TATDN2: variants seen among roughly 807,000 people sequenced by gnomAD.
TATDN2 encodes the protein 3'-5' RNA nuclease TATDN2.
A neutral mutation model predicts 60.3 loss-of-function variants in TATDN2; 44 were observed. The observed-to-expected ratio is 0.73, with a 90% confidence interval of 0.57 to 0.94. The LOEUF is 0.94. Among genes scored for constraint, TATDN2 ranks in the 40% least tolerant of loss-of-function variants. TATDN2 has a pLI of 0.00. For synonymous variants in TATDN2, 399 were observed against 355.8 expected (o/e 1.12, Z -1.37); for missense variants, 997 against 948.0 (o/e 1.05, Z -0.68).
rs1698720944 is a variant in TATDN2, at chr3:10,280,645, A to G, written c.*1463A>G. ...AAATGGAATGGATTTAATATTTCCT[A>G]TCTGGCATTTCCATCTTGCCCCTGG... On this transcript the variant is annotated 3_prime_UTR_variant, in exon 8 of 8. Transcript: ENST00000448281. 2 of 153,778 alleles carry G rather than the reference A, an allele frequency of 1.3e-5. No homozygotes were observed. Among genetic ancestry groups the G allele is most frequent in the African/African-American group, 2.4e-5 (1 of 41,450 alleles). The allele number at this position is 153,778 out of a possible 1,614,324, so 9.5% of individuals were successfully genotyped here. A position where few individuals can be genotyped will look rare whatever the true frequency, so the allele number is the denominator to read the frequency against.
chr3:10,276,740 C>T (rs1374853146), intron 5 of TATDN2, among the ~76,000 whole-genome samples: 1 of 152,164 alleles, frequency 6.6e-6, no homozygotes, highest in African/African-American at 2.4e-5. Flanking sequence ...CGGCACATGC[C>T]ACCACGCCCA....
At chr3:10,271,144 C>G (rs952224461) in intron 4 of TATDN2, 129 bp downstream of exon 4, 10 of 1,177,522 alleles carry the variant, frequency 8.5e-6, no homozygotes, top group African/African-American at 3.1e-5. Context: ...TGTGCTTGCT[C>G]TCATCCAGAC....
intron 2 of TATDN2, 54 bp from the exon 3 acceptor site, chr3:10,260,083 A>C: frequency 6.5e-7 from 1 of 1,548,200 alleles, no homozygotes. Flanking sequence ...CAAATGCTTC[A>C]TGTACGAAAG....
At chr3:10,252,565 T>G (rs1368467622) in intron 2 of TATDN2, among the ~76,000 whole-genome samples, 1 of 152,182 alleles carries the variant, frequency 6.6e-6, no homozygotes, top group Admixed American at 6.5e-5. Flanking sequence ...TGTGGTCATC[T>G]GTGAACTTAT....
intron 2 of TATDN2, among the ~76,000 whole-genome samples, chr3:10,258,357 A>G (rs1698346948): frequency 6.6e-6 from 1 of 151,906 alleles, no homozygotes; most frequent in Admixed American, 6.6e-5. Context: ...GGCTTACTGC[A>G]TCCTCCGCCT....
chr3:10,261,958 T>C (rs550527849), intron 3 of TATDN2, among the ~76,000 whole-genome samples: 1 of 152,330 alleles, frequency 6.6e-6, no homozygotes, highest in East Asian at 1.9e-4. Flanking sequence ...TAAGATTTGT[T>C]ACTGCCATGT....
chr3:10,257,028 C>A (rs1281217745), intron 2 of TATDN2, among the ~76,000 whole-genome samples: 1 of 151,820 alleles, frequency 6.6e-6, no homozygotes, highest in Non-Finnish European at 1.5e-5. Flanking sequence ...GGCACGGTGG[C>A]TCATGCCTGT....
rs1698639322 is a variant in TATDN2, at chr3:10,276,474, C to T, written c.1947C>T (p.Asp649=). ...LEIMKKFVPP[D]YKIHRHCFTG... ...TCATGAAAAAGTTTGTGCCCCCTGA[C>T]TACAAGATCCATAGGTTAGAAGACT... is the stretch of plus-strand genomic sequence containing the variant. Residue 649 remains aspartate, a synonymous_variant, in exon 5 of 8, where the codon GAC becomes GAT. Coordinates refer to ENST00000448281, the MANE Select transcript of TATDN2 (RefSeq NM_014760.4). 1.2e-6 allele frequency: 2 copies of T among 1,613,842 alleles called. No individual in the cohort carries two copies. Among genetic ancestry groups the T allele is most frequent in the African/African-American group, 1.3e-5 (1 of 74,896 alleles).
rs760207659 is a variant in TATDN2, at chr3:10,270,852, T to C, written c.1670T>C (p.Val557Ala). The change falls in exon 4 of 8, where the codon GTC becomes GCC. Residue 557 changes from valine to alanine, a missense_variant. By Grantham distance (64) the Val-to-Ala change is moderately conservative. Transcript: ENST00000448281. ...LWEELLKEDL[V>A]WGAFGCHPHF... ...GAGGAGCTGTTGAAAGAGGATCTGG[T>C]CTGGGGGGCCTTTGGCTGTCACCCT... The C allele has an allele frequency of 8.1e-6, 13 of 1,614,058 alleles. No individual in the cohort carries two copies. The highest frequency in any genetic ancestry group is 2.2e-5 in the East Asian group (1 of 44,900).
intron 2 of TATDN2, among the ~76,000 whole-genome samples, chr3:10,258,811 A>T (rs1402314466): frequency 6.6e-6 from 1 of 151,506 alleles, no homozygotes; most frequent in East Asian, 1.9e-4. Context: ...CCCCAAAGAG[A>T]TCCATTATAA....
At chr3:10,258,603 G>A (rs1056037807) in intron 2 of TATDN2, among the ~76,000 whole-genome samples, 3 of 151,868 alleles carry the variant, frequency 2.0e-5, no homozygotes, top group African/African-American at 7.3e-5. Context: ...TGAGTAAGTG[G>A]GATTACAGGT....
At chr3:10,260,770 T>TAAC in intron 3 of TATDN2, 100 bp downstream of exon 3, 1 of 1,386,852 alleles carries the variant, frequency 7.2e-7, no homozygotes, top group Non-Finnish European at 9.7e-7. Flanking sequence ...TTAAAAATAG[T>TAAC]ACTTTACTTA....
At chr3:10,250,684 T>C (rs1698222467) in intron 2 of TATDN2, among the ~76,000 whole-genome samples, 1 of 152,238 alleles carries the variant, frequency 6.6e-6, no homozygotes, top group African/African-American at 2.4e-5. Flanking sequence ...TGGACCTCAC[T>C]GTCTGAACTC....
intron 1 of TATDN2, 36 bp from the exon 2 acceptor site, chr3:10,249,159 G>T: frequency 6.7e-7 from 1 of 1,483,792 alleles, no homozygotes; most frequent in Non-Finnish European, 9.0e-7. Flanking sequence ...CGCCAGGAAG[G>T]GTGGTGTTGG....
intron 2 of TATDN2, among the ~76,000 whole-genome samples, chr3:10,253,551 A>G (rs1698261014): frequency 6.6e-6 from 1 of 152,202 alleles, no homozygotes; most frequent in Non-Finnish European, 1.5e-5. Flanking sequence ...TAACTGTGTG[A>G]CGAGCACCTT....
intron 3 of TATDN2, among the ~76,000 whole-genome samples, chr3:10,265,737 A>G (rs1218476061): frequency 6.7e-6 from 1 of 149,646 alleles, no homozygotes; most frequent in African/African-American, 2.4e-5. Flanking sequence ...GTGCAGTGGC[A>G]TGGTCATAGC....
intron 2 of TATDN2, 40 bp from the exon 3 acceptor site, chr3:10,260,097 C>G (rs759719129): frequency 2.5e-6 from 4 of 1,570,554 alleles, no homozygotes; most frequent in Non-Finnish European, 3.4e-6. Context: ...ACGAAAGTGC[C>G]CTTGGAACAG....
intron 2 of TATDN2, among the ~76,000 whole-genome samples, chr3:10,259,928 C>T (rs1333261924): frequency 1.3e-5 from 2 of 152,208 alleles, no homozygotes; most frequent in Non-Finnish European, 2.9e-5. Flanking sequence ...AGGATATCAT[C>T]TGCTGAGCAT....
chr3:10,270,289 G>T lies in TATDN2; in HGVS notation c.1107G>T (p.Met369Ile). 1 of 1,614,162 alleles carries T rather than the reference G, an allele frequency of 6.2e-7. No individual in the cohort carries two copies. The highest frequency in any genetic ancestry group is 8.5e-7 in the Non-Finnish European group (1 of 1,180,040). The change falls in exon 4 of 8, where the codon ATG becomes ATT. Residue 369 changes from methionine (M) to isoleucine (I), a missense_variant. Met to Ile is a conservative substitution (Grantham distance 10, BLOSUM62 1). Coordinates refer to ENST00000448281, the MANE Select transcript of TATDN2 (RefSeq NM_014760.4). ...CTTCCTTCACCACCGACTATGTCAT[G>T]TACCCTCCTCATTTGTACAGTAGTC... ...EPSSFTTDYV[M>I]YPPHLYSSPW...
Sources: allele counts gnomAD v4.1 joint callset (sites outside exome capture counted in the v4.1 genomes callset), GRCh38; gene constraint gnomAD v4.1.1; transcripts MANE v1.5; gene names NCBI Gene and HGNC (gene_info 2026-07-23, HGNC 2026-07-21).